The following RBM26 variants were observed in gnomAD, a reference collection of about 807,000 sequenced individuals.
RBM26 encodes RNA binding motif protein 26, also known as RNA-binding protein 26.
RBM26 carries 30 observed loss-of-function variants against 123.6 expected under a neutral mutation model. The observed-to-expected ratio is 0.24, with a 90% confidence interval of 0.18 to 0.33. The LOEUF (loss-of-function observed/expected upper bound fraction) is 0.33. Ranked by LOEUF, RBM26 falls within the 10% of genes least tolerant of loss-of-function variation. The probability of loss-of-function intolerance (pLI) is 1.00; values close to 1 mark genes in which losing one functional copy is unlikely to be tolerated. For missense variants in RBM26, 947 were observed against 1,203.6 expected (o/e 0.79, Z 3.15); for synonymous variants, 400 against 404.4 (o/e 0.99, Z 0.13).
Position 79,359,599 on chromosome 13 carries a change from G to A in RBM26, c.1505C>T (p.Pro502Leu), listed in dbSNP as rs1301426683. 10 of 1,588,880 alleles carry A rather than the reference G, an allele frequency of 6.3e-6. No individual in the cohort carries two copies. The highest frequency in any genetic ancestry group is 7.7e-6 in the Non-Finnish European group (9 of 1,165,284). Residue 502 changes from proline to leucine, a missense_variant, in exon 10 of 22, where the codon CCT (proline) becomes CTT (leucine). Pro to Leu is a moderately conservative substitution (Grantham distance 98). Coordinates refer to ENST00000438737, the MANE Select transcript of RBM26 (RefSeq NM_001366735.2). ...CTTATCAAACCAAGTCTTCTTTGTA[G>A]GAACTCCAGGCTCTCCAGAACCAAT... ...RTIGSGEPGVPTKKTWFDKPN... is the reference protein window; with the variant it reads ...RTIGSGEPGVLTKKTWFDKPN...
At chr13:79,328,388 T>C (rs1250841983) in intron 20 of RBM26, among the ~76,000 whole-genome samples, 2 of 151,778 alleles carry the variant, frequency 1.3e-5, no homozygotes, top group African/African-American at 4.8e-5. Flanking sequence ...TAGATTTAAC[T>C]AATGAACCCA....
In RBM26 at chr13:79,318,886, A is replaced by C; in HGVS notation, c.*1735T>G. 2.0e-6 allele frequency: 2 copies of C among 980,336 alleles called. No individual in the cohort carries two copies. Among genetic ancestry groups the C allele is most frequent in the South Asian group, 9.4e-5 (2 of 21,182 alleles). The allele number at this position is 980,336 out of a possible 1,614,324, so 60.7% of individuals were successfully genotyped here. A position where few individuals can be genotyped will look rare whatever the true frequency, so the allele number is the denominator to read the frequency against. ...TTGGCACCTTTCACGACTACTAAAA[A>C]GAAAAGAAAACAAACTTACCTAATG... On this transcript the variant is annotated 3_prime_UTR_variant, in exon 22 of 22. Coordinates refer to ENST00000438737, the MANE Select transcript of RBM26 (RefSeq NM_001366735.2).
At chr13:79,401,822 T>C (rs12877507) in intron 1 of RBM26, among the ~76,000 whole-genome samples, 2 of 151,900 alleles carry the variant, frequency 1.3e-5, no homozygotes, top group African/African-American at 2.4e-5. Context: ...GAAGTGAGAT[T>C]TGAATACTGA....
intron 10 of RBM26, among the ~76,000 whole-genome samples, chr13:79,358,868 GCTTT>G (rs2074333438): frequency 1.3e-5 from 2 of 151,406 alleles, no homozygotes; most frequent in Middle Eastern, 3.2e-3. Context: ...CCTCTTTCCC[GCTTT>G]ATTTAAAAAA....
At chr13:79,335,434 A>T (rs1191831312) in intron 19 of RBM26, among the ~76,000 whole-genome samples, 2 of 152,150 alleles carry the variant, frequency 1.3e-5, no homozygotes, top group Non-Finnish European at 2.9e-5. Flanking sequence ...GTTTTTAGTT[A>T]TAATTTTTAT....
intron 20 of RBM26, among the ~76,000 whole-genome samples, chr13:79,333,571 A>T (rs1301469296): frequency 6.6e-6 from 1 of 152,220 alleles, no homozygotes; most frequent in African/African-American, 2.4e-5. Flanking sequence ...TCATTTGGAA[A>T]ACTATTTCAT....
chr13:79,320,889 AT>A (rs1269643809), intron 21 of RBM26, among the ~76,000 whole-genome samples, 179 bp from the exon 22 acceptor site: 7 of 151,362 alleles, frequency 4.6e-5, no homozygotes, highest in Non-Finnish European at 7.4e-5. Flanking sequence ...GTTTCTCTAT[AT>A]GATCTATTCT....
intron 20 of RBM26, among the ~76,000 whole-genome samples, chr13:79,323,131 C>G (rs1248628895): frequency 6.6e-6 from 1 of 151,408 alleles, no homozygotes; most frequent in Non-Finnish European, 1.5e-5. Flanking sequence ...AAAACGTGAA[C>G]TTAAAAAATA....
chr13:79,353,642 A>T (rs2073581960), intron 13 of RBM26, among the ~76,000 whole-genome samples: 1 of 152,160 alleles, frequency 6.6e-6, no homozygotes, highest in Non-Finnish European at 1.5e-5. Flanking sequence ...AGGACTGGGA[A>T]TTTTTTAAAT....
At chr13:79,352,951 G>T (rs1029940938) in intron 14 of RBM26, among the ~76,000 whole-genome samples, 1 of 152,112 alleles carries the variant, frequency 6.6e-6, no homozygotes, top group African/African-American at 2.4e-5. Context: ...AATATAGTGG[G>T]AGGCAAGTAT....
At chr13:79,404,833 A>G (rs2079383316) in intron 1 of RBM26, among the ~76,000 whole-genome samples, 1 of 152,054 alleles carries the variant, frequency 6.6e-6, no homozygotes, top group Non-Finnish European at 1.5e-5. Flanking sequence ...TAATATCTGG[A>G]TTTATTTATG....
At chr13:79,339,042 G>A (rs1461113608) in intron 18 of RBM26, among the ~76,000 whole-genome samples, 3 of 152,148 alleles carry the variant, frequency 2.0e-5, no homozygotes, top group Non-Finnish European at 4.4e-5. Flanking sequence ...AGGCACAGCT[G>A]CCAAATCTCT....
At chr13:79,393,758 G>C (rs767142956) in intron 1 of RBM26, among the ~76,000 whole-genome samples, 2 of 152,144 alleles carry the variant, frequency 1.3e-5, no homozygotes, top group Non-Finnish European at 2.9e-5. Context: ...GGTCTGCACC[G>C]AGTGGACCTG....
chr13:79,346,180 AT>A (rs1454332561), intron 14 of RBM26, among the ~76,000 whole-genome samples: 1 of 152,218 alleles, frequency 6.6e-6, no homozygotes, highest in East Asian at 1.9e-4. Context: ...GTAAGTAGCA[AT>A]CTGAAGACTA....
At chr13:79,397,697 A>AG (rs2078706525) in intron 1 of RBM26, among the ~76,000 whole-genome samples, 1 of 150,914 alleles carries the variant, frequency 6.6e-6, no homozygotes, top group African/African-American at 2.4e-5. Flanking sequence ...AAAAAAAAAA[A>AG]AAAAAAGAAA....
At chr13:79,316,101 CGAGA>C (rs1023109486), downstream of RBM26, among the ~76,000 whole-genome samples, 3 of 151,036 alleles carry the variant, frequency 2.0e-5, no homozygotes, top group African/African-American at 7.3e-5. Flanking sequence ...AGAAAAGCCC[CGAGA>C]GAAAGACCAA....
At chr13:79,372,058 T>C (rs1434813251) in intron 3 of RBM26, 128 bp from the exon 4 acceptor site, 5 of 636,490 alleles carry the variant, frequency 7.9e-6, no homozygotes, top group Non-Finnish European at 1.3e-5. Context: ...AGGCGGGTGG[T>C]TCACGAAGTC....
At chr13:79,375,417 C>T (rs965853239) in intron 3 of RBM26, among the ~76,000 whole-genome samples, 2 of 151,778 alleles carry the variant, frequency 1.3e-5, no homozygotes, top group South Asian at 4.1e-4. Context: ...GTGATCCACC[C>T]GCCTCAGCCT....
rs543911612 is a variant in RBM26 at position 79,319,848 on chromosome 13, T to C, written c.*773A>G. ...GTGATTATAGCTCCTTTTGTGATAA[T>C]TGGGGGGAAGGGTAGATCACCATCT... On this transcript the variant is annotated 3_prime_UTR_variant, in exon 22 of 22. Coordinates refer to ENST00000438737, the MANE Select transcript of RBM26 (RefSeq NM_001366735.2). 6.1e-6 allele frequency: 6 copies of C among 980,846 alleles called. No individual in the cohort carries two copies. The highest frequency in any genetic ancestry group is 9.4e-5 in the South Asian group (2 of 21,204). 60.8% of individuals were successfully genotyped at this position (980,846 alleles called of 1,614,324 possible).
Sources: allele counts gnomAD v4.1 joint callset (sites outside exome capture counted in the v4.1 genomes callset), GRCh38; gene constraint gnomAD v4.1.1; transcripts MANE v1.5; gene names NCBI Gene and HGNC (gene_info 2026-07-23, HGNC 2026-07-21).